Variants in HCN2 observed in about 807,000 individuals in gnomAD.
HCN2 encodes the protein hyperpolarization activated cyclic nucleotide gated potassium and sodium channel 2.
Under a neutral mutation model 52.3 loss-of-function variants are expected in HCN2, and 20 were observed. That is an observed-to-expected ratio of 0.38 (90% CI 0.27 to 0.56). The LOEUF is 0.56. Ranked by LOEUF, HCN2 falls within the 20% of genes least tolerant of loss-of-function variation. The pLI, the probability that HCN2 is intolerant of heterozygous loss-of-function variation, is 0.71. For missense variants in HCN2, 981 were observed against 1,207.7 expected (o/e 0.81, Z 2.78); for synonymous variants, 694 against 537.0 (o/e 1.29, Z -4.04).
chr19:612,316 T>C (rs923936946), intron 5 of HCN2, among the ~76,000 whole-genome samples: 2 of 152,030 alleles, frequency 1.3e-5, no homozygotes, highest in African/African-American at 4.8e-5. Context: ...ACACCATTGA[T>C]TCATCTCCAG....
chr19:612,669 C>T (rs1445657133), intron 5 of HCN2, among the ~76,000 whole-genome samples: 1 of 152,010 alleles, frequency 6.6e-6, no homozygotes, highest in Non-Finnish European at 1.5e-5. Flanking sequence ...CCCACCTTGG[C>T]CTCCCAGAGT....
chr19:591,956 A>G lies in HCN2; in HGVS notation c.632+1379A>G, dbSNP rs747950532. The stretch of plus-strand genomic sequence containing the variant: ...CTGAGAGGTGAATACAGCTTTGACC[A>G]GAAGCCTGGATTTCGAGACAGGCCA... On this transcript the variant is annotated intron_variant, in intron 1 of 7. Coordinates refer to ENST00000251287, the MANE Select transcript of HCN2 (RefSeq NM_001194.4). This position sits in a 1 kb window ranked among gnomAD's most constrained non-coding sequence, Gnocchi z 4.1. Among the ~76,000 whole-genome samples the G allele has an allele frequency of 1.1e-4, 16 of 152,140 alleles. No individual in the cohort carries two copies. The highest frequency in any genetic ancestry group is 2.2e-4 in the Non-Finnish European group (15 of 68,012).
chr19:600,570 C>G (rs997428333), intron 1 of HCN2, among the ~76,000 whole-genome samples: 18 of 151,986 alleles, frequency 1.2e-4, no homozygotes, highest in African/African-American at 4.4e-4. Context: ...TGGTCCTGAT[C>G]TCTTGACCTC....
chr19:603,536 G>A lies in HCN2; in HGVS notation c.633-8G>A, dbSNP rs771949768. On this transcript the variant is annotated splice_polypyrimidine_tract_variant and splice_region_variant and intron_variant, in intron 1 of 7. Transcript: ENST00000251287. ...ACCGGCCTGAGGTGTGGGCACCCTC[G>A]CCCCCAGGTTCTACTGGGACTTCAC... 21 of 1,596,202 alleles carry A rather than the reference G, an allele frequency of 1.3e-5. No individual in the cohort carries two copies. In the East Asian group the frequency reaches 2.9e-4, roughly 22 times the overall value.
At chr19:598,956 G>C (rs1326486181) in intron 1 of HCN2, among the ~76,000 whole-genome samples, 1 of 152,098 alleles carries the variant, frequency 6.6e-6, no homozygotes, top group Non-Finnish European at 1.5e-5. Context: ...TGGTTCTTGG[G>C]GGGTGTCCCG....
At chr19:594,215 C>T (rs981520769) in intron 1 of HCN2, among the ~76,000 whole-genome samples, 4 of 115,824 alleles carry the variant, frequency 3.5e-5, no homozygotes, top group African/African-American at 7.8e-5. Flanking sequence ...CCCTCCCTGC[C>T]CCCGGTGTCA....
chr19:610,430 GA>G (rs1277134131), intron 5 of HCN2, 25 bp downstream of exon 5: 2 of 1,606,728 alleles, frequency 1.2e-6, no homozygotes, highest in African/African-American at 2.7e-5. Flanking sequence ...GGGCGGGCGG[GA>G]GGCAGCCTCC....
Position 592,358 on chromosome 19 carries a change from G to A in HCN2, c.632+1781G>A, listed in dbSNP as rs553369242. Among the ~76,000 whole-genome samples, 7 of 152,328 alleles carry A rather than the reference G, an allele frequency of 4.6e-5. No individual in the cohort carries two copies. The East Asian group carries it at 9.7e-4, about 21-fold the overall frequency. On this transcript the variant is annotated intron_variant, in intron 1 of 7. Coordinates refer to ENST00000251287, the MANE Select transcript of HCN2 (RefSeq NM_001194.4). The surrounding 1 kb of genome is among the most constrained non-coding windows in gnomAD (Gnocchi z 4.8). ...ACCCCCTGGCTGCAGAGGGGCGGTC[G>A]GTGGCCTGGGGGGCAGGTGGGCAGA...
rs1983314253 is a variant in HCN2 at position 604,085 on chromosome 19, G to A, written c.1056+118G>A. 7.6e-6 allele frequency: 6 copies of A among 791,716 alleles called. No homozygotes were observed. The South Asian group carries it at 8.9e-5, about 12-fold the overall frequency. 49.0% of individuals were successfully genotyped at this position (791,716 alleles called of 1,614,324 possible). On this transcript the variant is annotated intron_variant, in intron 2 of 7. Coordinates refer to ENST00000251287, the MANE Select transcript of HCN2 (RefSeq NM_001194.4). ...GTGCATGGGTGGGGCCAAGGCAGCAGGGGTGGGGCTATGAGAGATCTGGGT... is the reference window on the plus strand; with the variant it reads ...GTGCATGGGTGGGGCCAAGGCAGCAAGGGTGGGGCTATGAGAGATCTGGGT...
Position 615,946 on chromosome 19 carries a change from C to G in HCN2, c.2142C>G (p.Phe714Leu), listed in dbSNP as rs983732176. ...QAELGQRVGL[F>L]PPPPPPPQVT... ...AGCTGGGTCAGCGCGTGGGCCTCTT[C>G]CCGCCGCCGCCGCCGCCGCCGCAGG... Residue 714 changes from phenylalanine (F) to leucine (L), a missense_variant, in exon 8 of 8, where the codon TTC becomes TTG. Physicochemically the swap from Phe to Leu is conservative, Grantham distance 22 (BLOSUM62 0). Transcript: ENST00000251287. The G allele has an allele frequency of 8.7e-6, 14 of 1,605,102 alleles. No individual in the cohort carries two copies. The Admixed American group carries it at 1.8e-4, about 21-fold the overall frequency.
intron 3 of HCN2, 37 bp from the exon 4 acceptor site, chr19:607,927 C>A: frequency 6.5e-7 from 1 of 1,542,836 alleles, no homozygotes; most frequent in Non-Finnish European, 8.9e-7. Flanking sequence ...GGGGCGTGAG[C>A]ACCTGCCCAC....
At chr19:606,896 G>C (rs1211242984) in intron 3 of HCN2, among the ~76,000 whole-genome samples, 1 of 148,314 alleles carries the variant, frequency 6.7e-6, no homozygotes, top group Non-Finnish European at 1.5e-5. Flanking sequence ...AAGAGGCCGG[G>C]CGCGGTGGCT....
At position 615,961 on chromosome 19, in the gene HCN2, G is replaced by A. The variant is rs1983890329; in HGVS notation, c.2157G>A (p.Pro719=). 5.0e-6 allele frequency: 8 copies of A among 1,603,684 alleles called. No individual in the cohort carries two copies. Among genetic ancestry groups the A allele is most frequent in the African/African-American group, 2.7e-5 (2 of 74,626 alleles). Residue 719 remains proline (P), a synonymous_variant, in exon 8 of 8, where the codon CCG becomes CCA. Transcript: ENST00000251287. ...QRVGLFPPPP[P]PPQVTSAIAT... The stretch of plus-strand genomic sequence containing the variant: ...TGGGCCTCTTCCCGCCGCCGCCGCC[G>A]CCGCCGCAGGTCACCTCGGCCATCG...
chr19:616,354 C>A lies in HCN2; in HGVS notation c.2550C>A (p.Pro850=). 2 of 1,214,982 alleles carry A rather than the reference C, an allele frequency of 1.6e-6. No homozygotes were observed. Among genetic ancestry groups the A allele is most frequent in the Admixed American group, 3.4e-5 (1 of 29,682 alleles). The allele number at this position is 1,214,982 out of a possible 1,614,324, so 75.3% of individuals were successfully genotyped here. The change falls in exon 8 of 8, where the codon CCC becomes CCA. Residue 850 remains proline (P), a synonymous_variant. Coordinates refer to ENST00000251287, the MANE Select transcript of HCN2 (RefSeq NM_001194.4). Reference sequence around the variant, plus strand: ...GCAGCTCCACACCGCGCTTGGGGCCCACGCCCGCTGCCCGGGCCGCCGCGC... The same window carrying A: ...GCAGCTCCACACCGCGCTTGGGGCCAACGCCCGCTGCCCGGGCCGCCGCGC... ...PASSSTPRLG[P]TPAARAAAPS... is the part of the protein sequence containing the mutation.
At chr19:612,802 G>T (rs972582967) in intron 5 of HCN2, among the ~76,000 whole-genome samples, 6 of 149,228 alleles carry the variant, frequency 4.0e-5, no homozygotes, top group Admixed American at 4.0e-4. Flanking sequence ...TGGGGATCAC[G>T]GCTCACTGCA....
intron 5 of HCN2, among the ~76,000 whole-genome samples, chr19:611,474 G>A (rs114876701): frequency 0.014 from 2,178 of 152,318 alleles, 53 homozygotes; most frequent in African/African-American, 0.05. Flanking sequence ...TGGGCGAGGA[G>A]GCGGGCAGGA....
intron 3 of HCN2, among the ~76,000 whole-genome samples, chr19:606,618 T>C (rs1312185472): frequency 1.2e-4 from 18 of 148,512 alleles, no homozygotes; most frequent in East Asian, 8.2e-4. Context: ...TTTGGGAGGC[T>C]GAGGCAGGCG....
intron 1 of HCN2, among the ~76,000 whole-genome samples, chr19:593,995 TAAAGGCCACACAGGTCC>T (rs1982948643): frequency 6.6e-6 from 1 of 152,104 alleles, no homozygotes; most frequent in Admixed American, 6.5e-5. Flanking sequence ...CCGCTGATTC[TAAAGGCCACACAGGTCC>T]ACTTGGGAAA....
Position 610,288 on chromosome 19 carries a change from C to T in HCN2, c.1467C>T (p.Phe489=). 6.2e-7 allele frequency: 1 copy of T among 1,613,598 alleles called. No individual in the cohort carries two copies. Among genetic ancestry groups the T allele is most frequent in the African/African-American group, 1.3e-5 (1 of 74,924 alleles). ...AGCAGGTGGAGCAGTACATGTCCTT[C>T]CACAAGCTGCCAGCTGACTTCCGCC... ...KYKQVEQYMS[F]HKLPADFRQK... The change falls in exon 5 of 8, where the codon TTC becomes TTT. Residue 489 remains phenylalanine, a synonymous_variant. Transcript: ENST00000251287.
Sources: gnomAD v4.1 joint callset for allele counts (sites outside exome capture counted in the v4.1 genomes callset) on GRCh38, gnomAD v4.1.1 for gene constraint, Gnocchi (gnomAD v3.1) non-coding constraint, MANE v1.5 for transcripts, NCBI Gene and HGNC (gene_info 2026-07-23, HGNC 2026-07-21) for gene names.